EIF4E: variants seen among roughly 807,000 people sequenced by gnomAD.
EIF4E encodes the protein eukaryotic translation initiation factor 4E.
For missense variants in EIF4E, 113 were observed against 265.6 expected, an observed-to-expected ratio of 0.43 and a Z score of 3.99; for synonymous variants, 71 against 88.5, an observed-to-expected ratio of 0.80 and a Z score of 1.11.
intron 1 of EIF4E, 35 bp downstream of exon 1, chr4:98,929,060 G>C: frequency 6.3e-7 from 1 of 1,577,110 alleles, no homozygotes; most frequent in African/African-American, 1.3e-5. Context: ...GGAGCGCGGG[G>C]ACCCGTGGGG....
intron 2 of EIF4E, among the ~76,000 whole-genome samples, chr4:98,892,340 C>A (rs6842517): frequency 0.47 from 58,622 of 124,616 alleles, 14,451 homozygotes; most frequent in African/African-American, 0.66. Flanking sequence ...AAAAAACAAA[C>A]AAAAAAAAAA....
At chr4:98,916,839 C>T (rs1317110779) in intron 1 of EIF4E, among the ~76,000 whole-genome samples, 2 of 151,832 alleles carry the variant, frequency 1.3e-5, no homozygotes, top group African/African-American at 2.4e-5. Context: ...GGCCCACCAA[C>T]GTGAGATAAG....
chr4:98,892,622 C>A (rs1724199004), intron 2 of EIF4E, among the ~76,000 whole-genome samples: 1 of 116,774 alleles, frequency 8.6e-6, no homozygotes, highest in African/African-American at 2.7e-5. Flanking sequence ...GTGGAGGTTG[C>A]TGTGAGCCGA....
At chr4:98,921,599 A>G (rs1454839678) in intron 1 of EIF4E, among the ~76,000 whole-genome samples, 1 of 152,186 alleles carries the variant, frequency 6.6e-6, no homozygotes, top group Non-Finnish European at 1.5e-5. Flanking sequence ...AAAATATTAC[A>G]ACTAATTTCT....
In EIF4E at chr4:98,889,598, A is replaced by C. The variant is rs187961470; in HGVS notation, c.221+1639T>G. Among the ~76,000 whole-genome samples, 657 of 152,332 alleles carry C rather than the reference A, an allele frequency of 4.3e-3. 5 individuals carry two copies. Among genetic ancestry groups the C allele is most frequent in the Non-Finnish European group, 5.7e-3 (386 of 68,026 alleles). The stretch of plus-strand genomic sequence containing the variant: ...AATTTGCTAGAAAAAAACAGAAATT[A>C]GGAAGTGGCCCACACATTTATAGAA... On this transcript the variant is annotated intron_variant, in intron 3 of 6. Transcript: ENST00000450253.
chr4:98,881,889 G>A (rs919659456), intron 6 of EIF4E, among the ~76,000 whole-genome samples: 1 of 152,176 alleles, frequency 6.6e-6, no homozygotes, highest in African/African-American at 2.4e-5. Flanking sequence ...GTATAACAAG[G>A]AGATTCTAAT....
chr4:98,898,640 A>G (rs892618573), intron 2 of EIF4E, among the ~76,000 whole-genome samples: 1 of 151,776 alleles, frequency 6.6e-6, no homozygotes, highest in Non-Finnish European at 1.5e-5. Flanking sequence ...TCAAATAATT[A>G]TTTTCATTAC....
intron 1 of EIF4E, among the ~76,000 whole-genome samples, chr4:98,924,227 C>T (rs1725777461): frequency 1.3e-5 from 2 of 151,978 alleles, no homozygotes; most frequent in South Asian, 4.1e-4. Context: ...TACAAGCACG[C>T]ATCACCACGC....
intron 1 of EIF4E, among the ~76,000 whole-genome samples, chr4:98,917,121 CACACACACACACAAAA>C (rs1373299687): frequency 0.027 from 1,521 of 57,238 alleles, 32 homozygotes; most frequent in African/African-American, 0.14. Flanking sequence ...CACACACACA[CACACACACACACAAAA>C]AAAACCCAAA....
At position 98,884,982 on chromosome 4, in the gene EIF4E, C is replaced by T; in HGVS notation, c.479G>A (p.Gly160Asp). The part of the protein sequence containing the change: ...CGAVVNVRAK[G>D]DKIAIWTTEC... ...AGTAGTCCATATTGCTATCTTATCA[C>T]CTTTAGCTCTAACATTAACAACAGC... The change falls in exon 6 of 7, where the codon GGT (glycine) becomes GAT (aspartate). Residue 160 changes from glycine (G) to aspartate (D), a missense_variant. By Grantham distance (94) the Gly-to-Asp change is moderately conservative. Coordinates refer to ENST00000450253, the MANE Select transcript of EIF4E (RefSeq NM_001968.5). 1 of 1,613,682 alleles carries T rather than the reference C, an allele frequency of 6.2e-7. No individual in the cohort carries two copies. The highest frequency in any genetic ancestry group is 8.5e-7 in the Non-Finnish European group (1 of 1,179,838).
chr4:98,909,427 C>T, intron 1 of EIF4E: 1 of 470,800 alleles, frequency 2.1e-6, no homozygotes, highest in Non-Finnish European at 3.7e-6. Flanking sequence ...TACACAATCA[C>T]ATAAAAAGAA....
chr4:98,909,052 C>G (rs1027589351), intron 1 of EIF4E, among the ~76,000 whole-genome samples: 2 of 152,154 alleles, frequency 1.3e-5, no homozygotes, highest in African/African-American at 4.8e-5. Context: ...CAGCCTCAGG[C>G]TCAACACCTT....
At chr4:98,924,931 T>C (rs1168794535) in intron 1 of EIF4E, among the ~76,000 whole-genome samples, 1 of 152,156 alleles carries the variant, frequency 6.6e-6, no homozygotes, top group Non-Finnish European at 1.5e-5. Context: ...AAATCTGGAA[T>C]ATGAACCCCA....
chr4:98,918,087 G>A (rs960673235), intron 1 of EIF4E, among the ~76,000 whole-genome samples: 9 of 150,986 alleles, frequency 6.0e-5, no homozygotes, highest in Non-Finnish European at 1.3e-4. Flanking sequence ...TTTTTGCCAG[G>A]TGTGGTGGCT....
chr4:98,917,945 G>T (rs574613768), intron 1 of EIF4E, among the ~76,000 whole-genome samples: 1 of 151,712 alleles, frequency 6.6e-6, no homozygotes, highest in African/African-American at 2.4e-5. Context: ...GCGTGGTGGC[G>T]CACACCTGTA....
Position 98,887,963 on chromosome 4 carries a change from G to A in EIF4E, c.222-11C>T, listed in dbSNP as rs574523603. 3 of 1,608,222 alleles carry A rather than the reference G, an allele frequency of 1.9e-6. No homozygotes were observed. The highest frequency in any genetic ancestry group is 2.5e-6 in the Non-Finnish European group (3 of 1,176,548). ...ATATGGTTGTACAGACTAGGTAAAAGAAAATAACAATTAAAAACACAGAAT... is the reference window on the plus strand; with the variant it reads ...ATATGGTTGTACAGACTAGGTAAAAAAAAATAACAATTAAAAACACAGAAT... On this transcript the variant is annotated splice_polypyrimidine_tract_variant and intron_variant, in intron 3 of 6. Coordinates refer to ENST00000450253, the MANE Select transcript of EIF4E (RefSeq NM_001968.5). The surrounding 1 kb of genome is among the most constrained non-coding windows in gnomAD (Gnocchi z 4.0).
At chr4:98,924,627 T>C (rs921517222) in intron 1 of EIF4E, among the ~76,000 whole-genome samples, 3 of 152,066 alleles carry the variant, frequency 2.0e-5, no homozygotes, top group African/African-American at 7.2e-5. Context: ...GGAGTCTTGC[T>C]CTGTCGCCCA....
chr4:98,924,235 C>T (rs2028687), intron 1 of EIF4E, among the ~76,000 whole-genome samples: 13,090 of 152,012 alleles, frequency 0.086, 1,243 homozygotes, highest in East Asian at 0.49. Context: ...CGCATCACCA[C>T]GCCCAGCTAA....
chr4:98,884,205 C>T (rs1312216937), intron 6 of EIF4E, among the ~76,000 whole-genome samples: 1 of 152,100 alleles, frequency 6.6e-6, no homozygotes, highest in Non-Finnish European at 1.5e-5. Context: ...TGCACATATA[C>T]TATTTGCCAA....
Sources: gnomAD v4.1 joint callset for allele counts (sites outside exome capture counted in the v4.1 genomes callset) on GRCh38, gnomAD v4.1.1 for gene constraint, Gnocchi (gnomAD v3.1) non-coding constraint, MANE v1.5 for transcripts, NCBI Gene and HGNC (gene_info 2026-07-23, HGNC 2026-07-21) for gene names.